CCDC158: variants seen among roughly 807,000 people sequenced by gnomAD.
CCDC158 encodes the protein coiled-coil domain-containing protein 158.
A neutral mutation model predicts 138.6 loss-of-function variants in CCDC158; 116 were observed. The ratio of observed to expected loss-of-function variants is 0.84; its 90% confidence interval spans 0.72 to 0.98. The LOEUF (loss-of-function observed/expected upper bound fraction) is 0.98, where lower values mean the gene tolerates loss of function less well. Among genes scored for constraint, CCDC158 ranks in the 50% least tolerant of loss-of-function variants. The pLI, the probability that CCDC158 is intolerant of heterozygous loss-of-function variation, is 0.00. For synonymous variants in CCDC158, 436 were observed against 442.4 expected (o/e 0.99, Z 0.18); for missense variants, 1,265 against 1,306.1 (o/e 0.97, Z 0.48).
intron 24 of CCDC158, 26 bp from the exon 25 acceptor site, chr4:76,313,272 A>G: frequency 1.4e-6 from 2 of 1,441,104 alleles, no homozygotes; most frequent in Non-Finnish European, 1.9e-6. Context: ...AAACAGTTAG[A>G]ATAACAAAAT....
At chr4:76,354,524 T>C (rs1476323450) in intron 15 of CCDC158, among the ~76,000 whole-genome samples, 1 of 152,164 alleles carries the variant, frequency 6.6e-6, no homozygotes, top group Non-Finnish European at 1.5e-5. Context: ...AAATAGACGC[T>C]TTTTCCAAAG....
chr4:76,331,324 T>C lies in CCDC158; in HGVS notation c.2942+20A>G, dbSNP rs770595090. The C allele has an allele frequency of 6.2e-7, 1 of 1,606,944 alleles. No individual in the cohort carries two copies. Among genetic ancestry groups the C allele is most frequent in the Non-Finnish European group, 8.5e-7 (1 of 1,173,550 alleles). On this transcript the variant is annotated intron_variant, in intron 21 of 24. Coordinates refer to ENST00000682701, the MANE Select transcript of CCDC158 (RefSeq NM_001394954.1). ...AGTCGTAAAAGGGACATTTTGAAAA[T>C]GGGGGCTGGTATTTCCTACCTACTA...
intron 2 of CCDC158, among the ~76,000 whole-genome samples, chr4:76,404,726 G>T (rs914832904): frequency 1.3e-5 from 2 of 152,018 alleles, no homozygotes; most frequent in African/African-American, 4.8e-5. Flanking sequence ...ATAAAATAAA[G>T]AAGTAAAAAG....
chr4:76,327,673 T>C (rs1720650853), intron 22 of CCDC158, among the ~76,000 whole-genome samples: 1 of 152,204 alleles, frequency 6.6e-6, no homozygotes, highest in Non-Finnish European at 1.5e-5. Flanking sequence ...ACCTCTGTTG[T>C]ATATGACATG....
intron 24 of CCDC158, among the ~76,000 whole-genome samples, chr4:76,318,469 CA>C (rs1719622899): frequency 6.6e-6 from 1 of 151,784 alleles, no homozygotes; most frequent in African/African-American, 2.4e-5. Flanking sequence ...GGAAAAAAAA[CA>C]GAAACTCTGA....
chr4:76,420,011 T>C (rs1729984406), intron 1 of CCDC158, among the ~76,000 whole-genome samples: 1 of 150,490 alleles, frequency 6.6e-6, no homozygotes, highest in African/African-American at 2.5e-5. Flanking sequence ...TACATACAAA[T>C]AAATTGCTGT....
intron 18 of CCDC158, among the ~76,000 whole-genome samples, chr4:76,343,829 A>C (rs1291380258): frequency 2.0e-5 from 3 of 152,124 alleles, no homozygotes; most frequent in East Asian, 1.9e-4. Context: ...ACAAACAAAC[A>C]AACCAGGAAA....
At chr4:76,324,544 C>G (rs556358678) in intron 23 of CCDC158, among the ~76,000 whole-genome samples, 151 of 151,826 alleles carry the variant, frequency 9.9e-4, no homozygotes, top group African/African-American at 3.4e-3. Context: ...TGACAATAAG[C>G]GGGGGGTTGG....
intron 2 of CCDC158, among the ~76,000 whole-genome samples, chr4:76,409,700 G>A (rs867064996): frequency 3.6e-4 from 54 of 151,904 alleles, no homozygotes; most frequent in African/African-American, 8.5e-4. Flanking sequence ...GTGTGGTGGC[G>A]GGCGCCTGTA....
At chr4:76,412,783 T>A (rs1231079989) in intron 1 of CCDC158, among the ~76,000 whole-genome samples, 3 of 152,146 alleles carry the variant, frequency 2.0e-5, no homozygotes, top group Non-Finnish European at 2.9e-5. Context: ...ATAGCACTTA[T>A]CTAAATCATG....
At chr4:76,403,001 A>G in intron 3 of CCDC158, 137 bp downstream of exon 3, 1 of 623,170 alleles carries the variant, frequency 1.6e-6, no homozygotes, top group South Asian at 2.0e-5. Context: ...GTAGAATTAT[A>G]AACAATATGG....
chr4:76,343,660 G>A (rs1722268413), intron 18 of CCDC158, among the ~76,000 whole-genome samples: 1 of 152,110 alleles, frequency 6.6e-6, no homozygotes, highest in African/African-American at 2.4e-5. Flanking sequence ...AATTAGCCAG[G>A]TGTGGTGGCG....
chr4:76,333,916 T>G (rs992921467), intron 19 of CCDC158, 94 bp downstream of exon 19: 11 of 901,610 alleles, frequency 1.2e-5, no homozygotes, highest in Non-Finnish European at 1.8e-5. Context: ...TAAAGTCATT[T>G]AAACCTCACC....
intron 4 of CCDC158, 142 bp from the exon 5 acceptor site, chr4:76,384,807 T>C: frequency 1.6e-6 from 1 of 624,674 alleles, no homozygotes; most frequent in Non-Finnish European, 2.8e-6. Flanking sequence ...AAAGTCTAAT[T>C]AATAATTTCT....
At chr4:76,365,948 A>C (rs17001815) in intron 12 of CCDC158, among the ~76,000 whole-genome samples, 4,472 of 152,282 alleles carry the variant, frequency 0.029, 222 homozygotes, top group African/African-American at 0.1. Context: ...TGCTCTCCAG[A>C]AAGTTAAACT....
intron 13 of CCDC158, among the ~76,000 whole-genome samples, chr4:76,361,577 A>C (rs1256188677): frequency 6.6e-6 from 1 of 152,142 alleles, no homozygotes; most frequent in African/African-American, 2.4e-5. Flanking sequence ...TAAATAAATA[A>C]AATAAATTAT....
intron 24 of CCDC158, among the ~76,000 whole-genome samples, chr4:76,317,435 A>G (rs1247728647): frequency 1.3e-5 from 2 of 152,320 alleles, no homozygotes; most frequent in African/African-American, 2.4e-5. Context: ...AAATATCACA[A>G]TCCTAAATAT....
chr4:76,339,068 G>A (rs927454803), intron 18 of CCDC158, among the ~76,000 whole-genome samples: 3 of 151,960 alleles, frequency 2.0e-5, no homozygotes, highest in African/African-American at 4.8e-5. Context: ...TGTGGTGACC[G>A]GCTATCCAAT....
chr4:76,358,090 A>C (rs982202353), intron 13 of CCDC158, among the ~76,000 whole-genome samples: 1 of 152,128 alleles, frequency 6.6e-6, no homozygotes, highest in Non-Finnish European at 1.5e-5. Flanking sequence ...TTGTCCAGAC[A>C]TCTCCATGTA....
Sources: allele counts gnomAD v4.1 joint callset (sites outside exome capture counted in the v4.1 genomes callset), GRCh38; gene constraint gnomAD v4.1.1; transcripts MANE v1.5; gene names NCBI Gene and HGNC (gene_info 2026-07-23, HGNC 2026-07-21).